Variants in NBPF15 observed in about 807,000 individuals in gnomAD.
NBPF15 encodes the protein NBPF family member NBPF15.
NBPF15 carries 74 observed loss-of-function variants against 62.2 expected under a neutral mutation model. The observed-to-expected ratio is 1.19, with a 90% confidence interval of 0.99 to 1.44. NBPF15 has a LOEUF of 1.44. Ranked by LOEUF, NBPF15 falls within the 40% of genes most tolerant of loss-of-function variation. The probability of loss-of-function intolerance (pLI) is 0.00; values close to 1 mark genes in which losing one functional copy is unlikely to be tolerated. For missense variants in NBPF15, 790 were observed against 550.0 expected (o/e 1.44, Z -4.36); for synonymous variants, 244 against 209.7 (o/e 1.16, Z -1.41).
Position 144,436,877 on chromosome 1 carries a change from G to A in NBPF15, c.493+18C>T. ...TAAGCCTGGGATTTTGGGTCATCAGGGCCTATGGCCACCTTACCTGGGCTG... is the reference window on the plus strand; with the variant it reads ...TAAGCCTGGGATTTTGGGTCATCAGAGCCTATGGCCACCTTACCTGGGCTG... On this transcript the variant is annotated intron_variant, in intron 10 of 21. Coordinates refer to ENST00000581897, the MANE Select transcript of NBPF15 (RefSeq NM_001385408.1). 7 of 1,611,632 alleles carry A rather than the reference G, an allele frequency of 4.3e-6. No individual in the cohort carries two copies. The highest frequency in any genetic ancestry group is 5.9e-6 in the Non-Finnish European group (7 of 1,179,500).
At chr1:144,445,331 G>GAA (rs1428042656) in intron 6 of NBPF15, among the ~76,000 whole-genome samples, 2 of 64,344 alleles carry the variant, frequency 3.1e-5, no homozygotes, top group Admixed American at 1.5e-4. Context: ...TCAAAACGGT[G>GAA]AATATATATA....
intron 13 of NBPF15, among the ~76,000 whole-genome samples, chr1:144,432,331 C>A (rs1447624571): frequency 2.0e-5 from 3 of 151,830 alleles, no homozygotes; most frequent in Non-Finnish European, 4.4e-5. Flanking sequence ...AAAGGAACAA[C>A]CGGTACCAGC....
intron 4 of NBPF15, 38 bp from the exon 5 acceptor site, chr1:144,450,908 G>A (rs1331003744): frequency 9.1e-5 from 22 of 241,548 alleles, no homozygotes; most frequent in Middle Eastern, 2.2e-3. Context: ...GGGATGGGTT[G>A]CCCCTCCACA....
rs1220405754 is a variant in NBPF15, at chr1:144,451,983, C to T, written c.-431-1113G>A. 3.3e-5 allele frequency among the ~76,000 whole-genome samples: 5 copies of T among 151,682 alleles called. No homozygotes were observed. The South Asian group carries it at 1.0e-3, about 32-fold the overall frequency. On this transcript the variant is annotated intron_variant, in intron 4 of 21. Coordinates refer to ENST00000581897, the MANE Select transcript of NBPF15 (RefSeq NM_001385408.1). ...CCTGGCCAACATGAAGAATCCCTGT[C>T]TCTACCAAAAATACAAACATTAGCC...
In NBPF15 at chr1:144,426,315, C is replaced by T. The variant is rs1413984868; in HGVS notation, c.1401G>A (p.Leu467=). 5.4e-6 allele frequency: 4 copies of T among 742,692 alleles called. No homozygotes were observed. The highest frequency in any genetic ancestry group is 9.9e-6 in the Non-Finnish European group (4 of 402,470). The allele number at this position is 742,692 out of a possible 1,614,324, so 46.0% of individuals were successfully genotyped here. The part of the protein sequence containing the change: ...GQPYSSAVYS[L]EEQYLGLALD... ...GAGCCAAGCCAAGGTACTGTTCCTC[C>T]AATGAGTAAACAGCACTGCTGTAGG... Residue 467 remains leucine, a synonymous_variant, in exon 18 of 22, where the codon TTG becomes TTA. Coordinates refer to ENST00000581897, the MANE Select transcript of NBPF15 (RefSeq NM_001385408.1).
chr1:144,439,059 C>A (rs1395354997), intron 8 of NBPF15, among the ~76,000 whole-genome samples: 1 of 151,882 alleles, frequency 6.6e-6, no homozygotes. Context: ...TCTTGGCTCA[C>A]TGCAACCTCA....
chr1:144,454,999 ACAAAAAGGAAAGAAAAAGAGAGAG>A (rs1258552629), intron 4 of NBPF15, among the ~76,000 whole-genome samples: 8 of 151,700 alleles, frequency 5.3e-5, no homozygotes, highest in African/African-American at 1.7e-4. Flanking sequence ...AAAAAGTAGA[ACAAAAAGGAAAGAAAAAGAGAGAG>A]CATGAGAGAC....
chr1:144,426,952 T>G, intron 17 of NBPF15, 95 bp downstream of exon 17: 1 of 632,718 alleles, frequency 1.6e-6, no homozygotes, highest in Non-Finnish European at 2.8e-6. Flanking sequence ...CAACCTTCGT[T>G]GAAAACATGA....
intron 4 of NBPF15, among the ~76,000 whole-genome samples, 180 bp downstream of exon 4, chr1:144,456,357 G>C (rs1647807407): frequency 6.6e-6 from 1 of 152,024 alleles, no homozygotes; most frequent in African/African-American, 2.4e-5. Context: ...TGCAGGTCGA[G>C]GGTGGCACAC....
rs1331620643 is a variant in NBPF15 at position 144,438,023 on chromosome 1, A to G, written c.200T>C (p.Ile67Thr). 6.2e-7 allele frequency: 1 copy of G among 1,611,458 alleles called. No individual in the cohort carries two copies. The highest frequency in any genetic ancestry group is 8.5e-7 in the Non-Finnish European group (1 of 1,179,786). ...KYKYEECKDL[I>T]KFMLRNERQF... ...TCGCTCATTCCTCAGCATAAATTTT[A>G]TGAGATCTTTGCACTCTTCATATTC... The change falls in exon 9 of 22, where the codon ATA (isoleucine) becomes ACA (threonine). Residue 67 changes from isoleucine to threonine, a missense_variant. Ile to Thr is a moderately conservative substitution (Grantham distance 89). Coordinates refer to ENST00000581897, the MANE Select transcript of NBPF15 (RefSeq NM_001385408.1).
At chr1:144,452,007 C>A (rs1320985347) in intron 4 of NBPF15, among the ~76,000 whole-genome samples, 3 of 151,396 alleles carry the variant, frequency 2.0e-5, no homozygotes, top group Admixed American at 1.3e-4. Context: ...CAAACATTAG[C>A]CAGGTGTGGT....
At position 144,440,294 on chromosome 1, in the gene NBPF15, G is replaced by A. The variant is rs1468147188; in HGVS notation, c.-189C>T. Reference sequence around the variant, plus strand: ...ATTGTGGCCAGCGTGCCAGGTAACCGTCTGCAGTTGCAATAACAGAATTAG... The same window carrying A: ...ATTGTGGCCAGCGTGCCAGGTAACCATCTGCAGTTGCAATAACAGAATTAG... On this transcript the variant is annotated splice_region_variant and 5_prime_UTR_variant, in exon 7 of 22. It adds an upstream start codon to the 5' untranslated region. Coordinates refer to ENST00000581897, the MANE Select transcript of NBPF15 (RefSeq NM_001385408.1). 71 of 1,418,584 alleles carry A rather than the reference G, an allele frequency of 5.0e-5. No homozygotes were observed. Among genetic ancestry groups the A allele is most frequent in the Admixed American group, 2.1e-4 (9 of 43,226 alleles). The allele number at this position is 1,418,584 out of a possible 1,614,324, so 87.9% of individuals were successfully genotyped here.
chr1:144,426,277 C>T lies in NBPF15; in HGVS notation c.1438+1G>A. ...TATCACCTTCACAGTAAGGTACTCA[C>T]TGTCCACGTCAAGAGCCAAGCCAAG... On this transcript the variant is annotated splice_donor_variant, in intron 18 of 21. Coordinates refer to ENST00000581897, the MANE Select transcript of NBPF15 (RefSeq NM_001385408.1). LOFTEE classifies it high-confidence loss of function. 1.7e-6 allele frequency: 1 copy of T among 595,212 alleles called. No individual in the cohort carries two copies. The highest frequency in any genetic ancestry group is 3.0e-6 in the Non-Finnish European group (1 of 338,892). 36.9% of individuals were successfully genotyped at this position (595,212 alleles called of 1,614,324 possible). A position where few individuals can be genotyped will look rare whatever the true frequency, so the allele number is the denominator to read the frequency against.
intron 13 of NBPF15, among the ~76,000 whole-genome samples, chr1:144,431,395 C>T (rs1376728358): frequency 1.3e-5 from 2 of 150,234 alleles, no homozygotes; most frequent in Admixed American, 6.6e-5. Flanking sequence ...ACCCTACAAG[C>T]CAGAAGAGAG....
At chr1:144,443,569 A>G (rs1422636462) in intron 6 of NBPF15, among the ~76,000 whole-genome samples, 1 of 151,904 alleles carries the variant, frequency 6.6e-6, no homozygotes, top group Non-Finnish European at 1.5e-5. Flanking sequence ...TGAACATGAT[A>G]TATATTTATT....
chr1:144,432,983 C>A (rs1413440067), intron 13 of NBPF15, among the ~76,000 whole-genome samples: 1 of 151,252 alleles, frequency 6.6e-6, no homozygotes, highest in Non-Finnish European at 1.5e-5. Flanking sequence ...ACTCTCCACC[C>A]CAAATCAACA....
chr1:144,428,392 T>C (rs1553539732), intron 15 of NBPF15, among the ~76,000 whole-genome samples: 1 of 151,994 alleles, frequency 6.6e-6, no homozygotes, highest in Non-Finnish European at 1.5e-5. Flanking sequence ...TTTTGAGGTA[T>C]GGTCAACCTT....
intron 6 of NBPF15, among the ~76,000 whole-genome samples, chr1:144,442,418 TTA>T (rs1347744394): frequency 1.4e-5 from 2 of 141,958 alleles, no homozygotes; most frequent in Admixed American, 7.2e-5. Context: ...TGTATATATA[TTA>T]TATATATATA....
Position 144,422,932 on chromosome 1 carries a change from G to A in NBPF15, c.*81C>T, listed in dbSNP as rs1406883107. 1 of 1,611,192 alleles carries A rather than the reference G, an allele frequency of 6.2e-7. No individual in the cohort carries two copies. The highest frequency in any genetic ancestry group is 8.5e-7 in the Non-Finnish European group (1 of 1,179,490). ...CATCCTATGTCTGGGCTTCCAAATG[G>A]AACTGTACTTTCATTCAAATCTTCT... On this transcript the variant is annotated 3_prime_UTR_variant, in exon 22 of 22. Coordinates refer to ENST00000581897, the MANE Select transcript of NBPF15 (RefSeq NM_001385408.1).
Sources: allele counts gnomAD v4.1 joint callset (sites outside exome capture counted in the v4.1 genomes callset), GRCh38; gene constraint gnomAD v4.1.1; transcripts MANE v1.5; gene names NCBI Gene and HGNC (gene_info 2026-07-23, HGNC 2026-07-21).